DLGAP2: variants seen among roughly 807,000 people sequenced by gnomAD.
DLGAP2 encodes disks large-associated protein 2.
A neutral mutation model predicts 100.3 loss-of-function variants in DLGAP2; 26 were observed. That is an observed-to-expected ratio of 0.26 (90% confidence interval 0.19 to 0.36). The LOEUF is 0.36. Ranked by LOEUF, DLGAP2 falls within the 10% of genes least tolerant of loss-of-function variation. The pLI, the probability that DLGAP2 is intolerant of heterozygous loss-of-function variation, is 1.00. For missense variants in DLGAP2, 1,858 were observed against 1,453.2 expected (o/e 1.28, Z -4.53); for synonymous variants, 886 against 630.1 (o/e 1.41, Z -6.08).
intron 1 of DLGAP2, among the ~76,000 whole-genome samples, chr8:793,816 C>G (rs1474636776): frequency 6.6e-6 from 1 of 152,216 alleles, no homozygotes; most frequent in Non-Finnish European, 1.5e-5. Flanking sequence ...TTTTGTTTTA[C>G]AGAACCAAGG....
chr8:1,107,843 A>T (rs1804826839), intron 2 of DLGAP2, among the ~76,000 whole-genome samples: 1 of 152,118 alleles, frequency 6.6e-6, no homozygotes, highest in Non-Finnish European at 1.5e-5. Flanking sequence ...CCTTCCTGAC[A>T]CCGAACCACC....
At chr8:1,664,970 C>G (rs1253215729) in intron 8 of DLGAP2, among the ~76,000 whole-genome samples, 1 of 152,174 alleles carries the variant, frequency 6.6e-6, no homozygotes, top group Non-Finnish European at 1.5e-5. Context: ...TTTTTGTACG[C>G]TGGAGGTGAA....
intron 1 of DLGAP2, among the ~76,000 whole-genome samples, chr8:766,089 C>T (rs533150535): frequency 5.3e-5 from 8 of 152,288 alleles, no homozygotes; most frequent in African/African-American, 1.7e-4. Context: ...ATTGCTTGAA[C>T]CCGGGAAGCG....
intron 2 of DLGAP2, among the ~76,000 whole-genome samples, chr8:1,059,471 T>A (rs1802986849): frequency 6.6e-6 from 1 of 152,120 alleles, no homozygotes; most frequent in Non-Finnish European, 1.5e-5. Context: ...CCCCAGGAGC[T>A]CCAGCCTCGG....
intron 2 of DLGAP2, among the ~76,000 whole-genome samples, chr8:1,042,611 C>A (rs1324334915): frequency 6.6e-6 from 1 of 152,160 alleles, no homozygotes; most frequent in South Asian, 2.1e-4. Flanking sequence ...CCCCAGGAGC[C>A]AGTGGCCAGG....
chr8:1,356,633 G>C (rs1413481676), intron 3 of DLGAP2, among the ~76,000 whole-genome samples: 1 of 152,198 alleles, frequency 6.6e-6, no homozygotes, highest in African/African-American at 2.4e-5. Flanking sequence ...GGGGAAAACA[G>C]ACAGTGGGAT....
chr8:1,084,095 TAACTC>T lies in DLGAP2; in HGVS notation c.74-174753_74-174749del, dbSNP rs202036855. On this transcript the variant is annotated intron_variant, in intron 2 of 14. Coordinates refer to ENST00000637795, the MANE Select transcript of DLGAP2 (RefSeq NM_001346810.2). ...ACATTTTATTATTTGTATGTACTCT[TAACTC>T]AATTATATATTTTAAAGCATTTAAA... 3.6e-3 allele frequency among the ~76,000 whole-genome samples: 552 copies of T among 152,342 alleles called. 5 individuals carry two copies. The highest frequency in any genetic ancestry group is 0.024 in the Admixed American group (371 of 15,308).
At chr8:1,254,806 A>T (rs1298447105) in intron 2 of DLGAP2, among the ~76,000 whole-genome samples, 1 of 149,394 alleles carries the variant, frequency 6.7e-6, no homozygotes, top group Non-Finnish European at 1.5e-5. Flanking sequence ...CACGCAGTTC[A>T]CTGCGCTCCC....
intron 2 of DLGAP2, among the ~76,000 whole-genome samples, chr8:940,187 T>A (rs560575208): frequency 6.6e-6 from 1 of 152,162 alleles, no homozygotes; most frequent in African/African-American, 2.4e-5. Flanking sequence ...ATGACTCTTG[T>A]GACATTTACT....
chr8:1,485,777 C>T (rs969193151), intron 3 of DLGAP2, among the ~76,000 whole-genome samples: 2 of 152,222 alleles, frequency 1.3e-5, no homozygotes, highest in Admixed American at 6.5e-5. Context: ...GTAATCCCAG[C>T]ACTTTGGGAG....
rs563474969 is a variant in DLGAP2 at position 1,483,238 on chromosome 8, T to C, written c.107-18128T>C. On this transcript the variant is annotated intron_variant, in intron 3 of 14. Transcript: ENST00000637795. ...GTACTTTGTGGGGAAACTCAGAAGG[T>C]TTTCATGAGGAAGTGACCCAGCCCA... is the stretch of plus-strand genomic sequence containing the variant. Among the ~76,000 whole-genome samples the C allele has an allele frequency of 2.6e-5, 4 of 151,760 alleles. No individual in the cohort carries two copies. The East Asian group carries it at 7.8e-4, about 30-fold the overall frequency.
intron 2 of DLGAP2, among the ~76,000 whole-genome samples, chr8:925,502 T>TG (rs1298428185): frequency 6.6e-6 from 1 of 152,050 alleles, no homozygotes; most frequent in African/African-American, 2.4e-5. Flanking sequence ...ATCCATGACT[T>TG]GGGGGGCAGC....
intron 3 of DLGAP2, among the ~76,000 whole-genome samples, chr8:1,308,391 C>T (rs1278043576): frequency 3.9e-5 from 6 of 152,202 alleles, no homozygotes; most frequent in Admixed American, 6.5e-5. Flanking sequence ...CAATCAAAAA[C>T]AGCCAAACCA....
chr8:1,559,310 G>T (rs1802079455), intron 5 of DLGAP2, among the ~76,000 whole-genome samples: 1 of 152,196 alleles, frequency 6.6e-6, no homozygotes, highest in Admixed American at 6.5e-5. Context: ...TTTGGTTTCA[G>T]AGCGTGCACT....
At chr8:1,133,546 A>G (rs1796341451) in intron 2 of DLGAP2, among the ~76,000 whole-genome samples, 1 of 152,208 alleles carries the variant, frequency 6.6e-6, no homozygotes, top group Non-Finnish European at 1.5e-5. Flanking sequence ...AACTGTGACT[A>G]TTTTGACCAA....
At chr8:937,526 C>CA (rs1207502808) in intron 2 of DLGAP2, among the ~76,000 whole-genome samples, 1 of 152,160 alleles carries the variant, frequency 6.6e-6, no homozygotes, top group Non-Finnish European at 1.5e-5. Context: ...GAAAGACCCT[C>CA]AGCTCTGTGG....
chr8:1,614,845 G>T (rs921782965), intron 6 of DLGAP2, among the ~76,000 whole-genome samples: 2 of 142,362 alleles, frequency 1.4e-5, no homozygotes, highest in Non-Finnish European at 2.9e-5. Flanking sequence ...CATTGCACGT[G>T]CACACACGTG....
intron 1 of DLGAP2, among the ~76,000 whole-genome samples, chr8:827,284 C>T (rs1043007665): frequency 1.3e-5 from 2 of 152,160 alleles, no homozygotes; most frequent in African/African-American, 2.4e-5. Flanking sequence ...GATAATATAA[C>T]CTTGATATAG....
chr8:1,201,877 GTGTAAGCATGTGGTGTGTA>G (rs1431958902), intron 2 of DLGAP2, among the ~76,000 whole-genome samples: 1 of 152,184 alleles, frequency 6.6e-6, no homozygotes, highest in African/African-American at 2.4e-5. Flanking sequence ...TGTGGTGTGT[GTGTAAGCATGTGGTGTGTA>G]TGTACATGTG....
Sources: gnomAD v4.1 joint callset for allele counts (sites outside exome capture counted in the v4.1 genomes callset) on GRCh38, gnomAD v4.1.1 for gene constraint, MANE v1.5 for transcripts, NCBI Gene and HGNC (gene_info 2026-07-23, HGNC 2026-07-21) for gene names.